Variants in GRHL1 observed in about 807,000 individuals in gnomAD.
GRHL1 encodes the protein grainyhead-like protein 1 homolog.
Under a neutral mutation model 75.7 loss-of-function variants are expected in GRHL1, and 38 were observed. The observed-to-expected ratio is 0.50, with a 90% confidence interval of 0.39 to 0.66. GRHL1 has a LOEUF of 0.66. Among genes scored for constraint, GRHL1 ranks in the 30% least tolerant of loss-of-function variants. The probability of loss-of-function intolerance (pLI) is 0.00; values close to 1 mark genes in which losing one functional copy is unlikely to be tolerated. For synonymous variants in GRHL1, 266 were observed against 279.4 expected (o/e 0.95, Z 0.48); for missense variants, 589 against 767.5 (o/e 0.77, Z 2.75).
chr2:9,982,890 A>G (rs1189212456), intron 8 of GRHL1, among the ~76,000 whole-genome samples: 1 of 152,250 alleles, frequency 6.6e-6, no homozygotes, highest in East Asian at 1.9e-4. Context: ...ATCCTTTGTC[A>G]ATATAAGTAT....
intron 8 of GRHL1, among the ~76,000 whole-genome samples, chr2:9,976,789 G>T (rs1385546137): frequency 6.6e-6 from 1 of 152,134 alleles, no homozygotes; most frequent in East Asian, 1.9e-4. Context: ...ATTTTTAGGG[G>T]TGAAGCAACT....
Position 9,968,509 on chromosome 2 carries a change from T to C in GRHL1, c.1110+3128T>C, listed in dbSNP as rs1261496702. ...TTAAAGGCCATGAGGCGTTCACATT[T>C]CATTGTGAAATAATCAGTATTCTTC... On this transcript the variant is annotated intron_variant, in intron 8 of 15. Transcript: ENST00000324907. The surrounding 1 kb of genome is among the most constrained non-coding windows in gnomAD (Gnocchi z 4.7). Among the ~76,000 whole-genome samples, 2 of 152,236 alleles carry C rather than the reference T, an allele frequency of 1.3e-5. No homozygotes were observed. Among genetic ancestry groups the C allele is most frequent in the Non-Finnish European group, 2.9e-5 (2 of 68,044 alleles).
intron 15 of GRHL1, among the ~76,000 whole-genome samples, chr2:9,999,389 G>T (rs1016361523): frequency 2.0e-5 from 3 of 152,260 alleles, no homozygotes; most frequent in Non-Finnish European, 2.9e-5. Flanking sequence ...ACACTCCAGG[G>T]TGTGTGGCCA....
chr2:9,956,113 G>A (rs560166601), intron 2 of GRHL1, among the ~76,000 whole-genome samples: 3 of 152,118 alleles, frequency 2.0e-5, no homozygotes, highest in Non-Finnish European at 4.4e-5. Flanking sequence ...GTTTATTTTT[G>A]CTATCTTTTT....
At chr2:9,953,708 C>G (rs1358391388) in intron 1 of GRHL1, among the ~76,000 whole-genome samples, 1 of 151,876 alleles carries the variant, frequency 6.6e-6, no homozygotes, top group Non-Finnish European at 1.5e-5. Flanking sequence ...CCCTGGGTGA[C>G]TCCCAAACGC....
rs1289706692 is a variant in GRHL1 at position 9,986,618 on chromosome 2, A to G, written c.1269+336A>G. On this transcript the variant is annotated intron_variant, in intron 9 of 15. Transcript: ENST00000324907. ...TTTTTAGTAGAGACAGGGTTTCGCC[A>G]TGTTCCCCAGGCTGGTCTCCAACTC... 2.0e-5 allele frequency among the ~76,000 whole-genome samples: 3 copies of G among 152,020 alleles called. No individual in the cohort carries two copies. The East Asian group carries it at 5.8e-4, about 30-fold the overall frequency.
At position 10,001,618 on chromosome 2, in the gene GRHL1, A is replaced by G. The variant is rs886870298; in HGVS notation, c.*911A>G. ...CACAGGCATTCTGTAGCATAGCAAA[A>G]CCTTCTCAAATGACAGAGATTCTGT... On this transcript the variant is annotated 3_prime_UTR_variant, in exon 16 of 16. Transcript: ENST00000324907. The G allele has an allele frequency of 2.0e-5, 3 of 152,188 alleles. No homozygotes were observed. The highest frequency in any genetic ancestry group is 1.3e-4 in the Admixed American group (2 of 15,278). The allele number at this position is 152,188 out of a possible 1,614,324, so 9.4% of individuals were successfully genotyped here. A position where few individuals can be genotyped will look rare whatever the true frequency, so the allele number is the denominator to read the frequency against.
At chr2:9,998,673 T>C (rs62640441) in intron 14 of GRHL1, among the ~76,000 whole-genome samples, 14,970 of 58,856 alleles carry the variant, frequency 0.25, 4,622 homozygotes, top group Non-Finnish European at 0.3. Flanking sequence ...TATGTACACA[T>C]ATATATACAT....
chr2:9,970,356 G>A (rs1667672417), intron 8 of GRHL1, among the ~76,000 whole-genome samples: 1 of 152,248 alleles, frequency 6.6e-6, no homozygotes, highest in African/African-American at 2.4e-5. Context: ...GTAGATAGAT[G>A]TAGAGTCTGA....
rs1422591688 is a variant in GRHL1, at chr2:9,986,981, G to GC, written c.1269+700dup. 4.7e-5 allele frequency among the ~76,000 whole-genome samples: 7 copies of GC among 149,754 alleles called. No individual in the cohort carries two copies. In the East Asian group the frequency reaches 1.4e-3, roughly 29 times the overall value. On this transcript the variant is annotated intron_variant, in intron 9 of 15. Coordinates refer to ENST00000324907, the MANE Select transcript of GRHL1 (RefSeq NM_198182.3). ...TCTTGGCTTCCCAAAATGTAAAACA[G>GC]CTTTTTTTTTTTTTTGAGACAGAGT...
rs115542850 is a variant in GRHL1, at chr2:9,987,299, G to A, written c.1269+1017G>A. Among the ~76,000 whole-genome samples, 3,336 of 152,268 alleles carry A rather than the reference G, an allele frequency of 0.022. 107 individuals are homozygous for A. The highest frequency in any genetic ancestry group is 0.067 in the African/African-American group (2,778 of 41,530). On this transcript the variant is annotated intron_variant, in intron 9 of 15. Coordinates refer to ENST00000324907, the MANE Select transcript of GRHL1 (RefSeq NM_198182.3). This position sits in a 1 kb window ranked among gnomAD's most constrained non-coding sequence, Gnocchi z 4.2. ...AAAATAGCTTTTAATTATTGTTTTGGCCTTGCAAAGACACATTATGTAGAG... is the reference window on the plus strand; with the variant it reads ...AAAATAGCTTTTAATTATTGTTTTGACCTTGCAAAGACACATTATGTAGAG...
intron 3 of GRHL1, 41 bp from the exon 4 acceptor site, chr2:9,961,005 A>G: frequency 6.8e-7 from 1 of 1,474,022 alleles, no homozygotes; most frequent in Non-Finnish European, 9.1e-7. Context: ...TCAAAGAACT[A>G]CATCAGCATC....
chr2:9,970,758 CATTATAA>C (rs1365465583), intron 8 of GRHL1, among the ~76,000 whole-genome samples: 1 of 152,300 alleles, frequency 6.6e-6, no homozygotes, highest in East Asian at 1.9e-4. Flanking sequence ...CTGTGCTTTT[CATTATAA>C]TCTATCAGCT....
chr2:9,964,288 G>A lies in GRHL1; in HGVS notation c.957G>A (p.Arg319=). The A allele has an allele frequency of 6.2e-7, 1 of 1,613,254 alleles. No homozygotes were observed. Among genetic ancestry groups the A allele is most frequent in the Non-Finnish European group, 8.5e-7 (1 of 1,179,182 alleles). The change falls in exon 7 of 16, where the codon AGG becomes AGA. Residue 319 remains arginine (R), a synonymous_variant. Coordinates refer to ENST00000324907, the MANE Select transcript of GRHL1 (RefSeq NM_198182.3). ...ACAAAAGCAGAGAAGATCAGTTAAG[G>A]CATTGGAAGTACTGGCACTCCCGGC... The part of the protein sequence containing the change: ...AEDKSREDQL[R]HWKYWHSRQH...
rs935351363 is a variant in GRHL1 at position 9,958,675 on chromosome 2, C to G, written c.208-111C>G. On this transcript the variant is annotated intron_variant, in intron 2 of 15. Transcript: ENST00000324907. ...CCATAGCCTGGTGTTTGCTAGGCAA[C>G]CAGTAGATAAATGAATGATTGAATT... 7.5e-5 allele frequency: 57 copies of G among 761,378 alleles called. No homozygotes were observed. In the African/African-American group the frequency reaches 8.5e-4, roughly 11 times the overall value. 47.2% of individuals were successfully genotyped at this position (761,378 alleles called of 1,614,324 possible).
At position 9,993,393 on chromosome 2, in the gene GRHL1, C is replaced by T. The variant is rs547199757; in HGVS notation, c.1499+149C>T. ...CTGATGGCCCATCACTCCTGAATAT[C>T]GTGGTATATATTTCCTACCAACAAG... is the stretch of plus-strand genomic sequence containing the variant. On this transcript the variant is annotated intron_variant, in intron 12 of 15. Coordinates refer to ENST00000324907, the MANE Select transcript of GRHL1 (RefSeq NM_198182.3). 2.1e-5 allele frequency: 14 copies of T among 669,572 alleles called. No homozygotes were observed. In the Admixed American group the frequency reaches 2.3e-4, roughly 11 times the overall value. 41.5% of individuals were successfully genotyped at this position (669,572 alleles called of 1,614,324 possible). A position where few individuals can be genotyped will look rare whatever the true frequency, so the allele number is the denominator to read the frequency against.
chr2:9,958,653 T>C (rs1306785903), intron 2 of GRHL1, 133 bp from the exon 3 acceptor site: 4 of 644,136 alleles, frequency 6.2e-6, no homozygotes, highest in Admixed American at 4.7e-5. Flanking sequence ...TGTGTCCCCA[T>C]AGCCTGGTGT....
intron 4 of GRHL1, among the ~76,000 whole-genome samples, chr2:9,961,865 A>G (rs1667293008): frequency 6.6e-6 from 1 of 152,114 alleles, no homozygotes; most frequent in African/African-American, 2.4e-5. Context: ...GAGAGCACAA[A>G]TGCATTGTGT....
Position 9,951,788 on chromosome 2 carries a change from A to G in GRHL1, c.-46A>G, listed in dbSNP as rs756815665. ...CCCCCCGGATCGGGTGTACTGTCCC[A>G]ACCCGAAAGTCCAGTTCTGCGGCCC... is the stretch of plus-strand genomic sequence containing the variant. On this transcript the variant is annotated 5_prime_UTR_variant, in exon 1 of 16. Coordinates refer to ENST00000324907, the MANE Select transcript of GRHL1 (RefSeq NM_198182.3). This position sits in a 1 kb window ranked among gnomAD's most constrained non-coding sequence, Gnocchi z 4.2. 26 of 1,514,704 alleles carry G rather than the reference A, an allele frequency of 1.7e-5. No homozygotes were observed. In the Middle Eastern group the frequency reaches 7.1e-4, roughly 41 times the overall value. The allele number at this position is 1,514,704 out of a possible 1,614,324, so 93.8% of individuals were successfully genotyped here. A position where few individuals can be genotyped will look rare whatever the true frequency, so the allele number is the denominator to read the frequency against.
Sources: allele counts gnomAD v4.1 joint callset (sites outside exome capture counted in the v4.1 genomes callset), GRCh38; gene constraint gnomAD v4.1.1; non-coding constraint Gnocchi (gnomAD v3.1); transcripts MANE v1.5; gene names NCBI Gene and HGNC (gene_info 2026-07-23, HGNC 2026-07-21).